The following PSMC3IP variants were observed in gnomAD, a reference collection of about 807,000 sequenced individuals.
PSMC3IP encodes homologous-pairing protein 2 homolog.
PSMC3IP carries 26 observed loss-of-function variants against 34.9 expected under a neutral mutation model. The observed-to-expected ratio is 0.74, with a 90% confidence interval of 0.55 to 1.03. PSMC3IP has a LOEUF of 1.03. Among genes scored for constraint, PSMC3IP ranks in the 50% least tolerant of loss-of-function variants. The pLI, the probability that PSMC3IP is intolerant of heterozygous loss-of-function variation, is 0.00. For missense variants in PSMC3IP, 250 were observed against 263.1 expected (o/e 0.95, Z 0.34); for synonymous variants, 87 against 96.5 (o/e 0.90, Z 0.57).
rs2093051266 is a variant in PSMC3IP at position 42,573,493 on chromosome 17, T to A, written c.468A>T (p.Pro156=). The change falls in exon 5 of 8, where the codon CCA becomes CCT. Residue 156 remains proline (P), a synonymous_variant. Coordinates refer to ENST00000393795, the MANE Select transcript of PSMC3IP (RefSeq NM_016556.4). The stretch of plus-strand genomic sequence containing the variant: ...TCCAGCTCACCTGCTCTTTCTCTTC[T>A]GGAGTCACATGATTGGTAGCTGCTT... The part of the protein sequence containing the change: ...NIKAATNHVT[P]EEKEQVYRER... 3 of 1,614,284 alleles carry A rather than the reference T, an allele frequency of 1.9e-6. No homozygotes were observed. The East Asian group carries it at 6.7e-5, about 36-fold the overall frequency.
Position 42,577,718 on chromosome 17 carries a change from G to A in PSMC3IP, c.-32C>T. 1 of 1,613,684 alleles carries A rather than the reference G, an allele frequency of 6.2e-7. No individual in the cohort carries two copies. Among genetic ancestry groups the A allele is most frequent in the South Asian group, 1.1e-5 (1 of 91,078 alleles). Reference sequence around the variant, plus strand: ...TCCCGCCACCCAACTCAGAAAGCCGGACGTTGTAGTTGCTCGGGGCGACGG... The same window carrying A: ...TCCCGCCACCCAACTCAGAAAGCCGAACGTTGTAGTTGCTCGGGGCGACGG... On this transcript the variant is annotated 5_prime_UTR_variant, in exon 1 of 8. Coordinates refer to ENST00000393795, the MANE Select transcript of PSMC3IP (RefSeq NM_016556.4).
chr17:42,575,585 T>A (rs1005410547), intron 3 of PSMC3IP, among the ~76,000 whole-genome samples: 1 of 152,140 alleles, frequency 6.6e-6, no homozygotes, highest in East Asian at 1.9e-4. Flanking sequence ...ACGAGTAATA[T>A]CTGCTGGATG....
intron 3 of PSMC3IP, among the ~76,000 whole-genome samples, chr17:42,576,404 GAT>G (rs2093075965): frequency 6.6e-6 from 1 of 152,186 alleles, no homozygotes; most frequent in Non-Finnish European, 1.5e-5. Context: ...AAGAGTTTAA[GAT>G]ATGTTTGAAG....
intron 3 of PSMC3IP, 130 bp downstream of exon 3, chr17:42,577,083 G>A: frequency 6.5e-7 from 1 of 1,547,440 alleles, no homozygotes; most frequent in South Asian, 1.2e-5. Context: ...TACACACCTT[G>A]ATTTAAGGAT....
chr17:42,573,094 G>C lies in PSMC3IP; in HGVS notation c.597+13C>G, dbSNP rs766100831. On this transcript the variant is annotated intron_variant, in intron 7 of 7. Coordinates refer to ENST00000393795, the MANE Select transcript of PSMC3IP (RefSeq NM_016556.4). Reference sequence around the variant, plus strand: ...ACCACAGGGAAGCAAAGAAGGAAGAGAGCTCCACTTACAAAGAACTGCTTC... The same window carrying C: ...ACCACAGGGAAGCAAAGAAGGAAGACAGCTCCACTTACAAAGAACTGCTTC... 1.9e-6 allele frequency: 3 copies of C among 1,614,098 alleles called. No homozygotes were observed. The highest frequency in any genetic ancestry group is 3.3e-5 in the Admixed American group (2 of 60,002).
At chr17:42,577,388 G>A (rs887669889) in intron 2 of PSMC3IP, 73 bp downstream of exon 2, 1 of 1,607,890 alleles carries the variant, frequency 6.2e-7, no homozygotes, top group East Asian at 2.2e-5. Flanking sequence ...AACGCCCAAG[G>A]CTCCAAAGGG....
intron 3 of PSMC3IP, 152 bp downstream of exon 3, chr17:42,577,061 T>C: frequency 6.6e-7 from 1 of 1,516,974 alleles, no homozygotes; most frequent in Non-Finnish European, 8.9e-7. Context: ...GTTGGGATCC[T>C]AACAAGAGGA....
chr17:42,577,627 C>G, intron 1 of PSMC3IP, 26 bp downstream of exon 1: 3 of 1,614,190 alleles, frequency 1.9e-6, no homozygotes, highest in South Asian at 1.1e-5. Flanking sequence ...CCTCCCGGGT[C>G]TTCCCCGCGC....
chr17:42,574,801 C>T (rs1332427396), intron 3 of PSMC3IP, among the ~76,000 whole-genome samples: 3 of 151,896 alleles, frequency 2.0e-5, no homozygotes, highest in Non-Finnish European at 4.4e-5. Context: ...TCACCCAGGC[C>T]AGAGTGCAGT....
At position 42,577,300 on chromosome 17, in the gene PSMC3IP, C is replaced by G; in HGVS notation, c.138G>C (p.Val46=). The part of the protein sequence containing the change: ...LQREHGLGKA[V]VVKTLEQLAQ... The stretch of plus-strand genomic sequence containing the variant: ...CCAGCTGCTCCAGCGTCTTCACCAC[C>G]ACCTGGCAGAGGAGAGAGAAGGAGC... Residue 46 remains valine, a splice_region_variant and synonymous_variant, in exon 3 of 8, where the codon GTG becomes GTC. Transcript: ENST00000393795. 1 of 1,614,056 alleles carries G rather than the reference C, an allele frequency of 6.2e-7. No homozygotes were observed. The highest frequency in any genetic ancestry group is 8.5e-7 in the Non-Finnish European group (1 of 1,179,964).
At chr17:42,576,992 T>C (rs1233699620) in intron 3 of PSMC3IP, 2 of 1,119,884 alleles carry the variant, frequency 1.8e-6, no homozygotes, top group Non-Finnish European at 2.5e-6. Flanking sequence ...TGGATCTTGG[T>C]AGCAACAATA....
intron 3 of PSMC3IP, among the ~76,000 whole-genome samples, chr17:42,574,736 T>C (rs377495350): frequency 2.0e-4 from 4 of 20,348 alleles, no homozygotes; most frequent in African/African-American, 2.5e-4. Context: ...CCTTTCCCTC[T>C]CTCTTTCTCT....
In PSMC3IP at chr17:42,574,138, C is replaced by T. The variant is rs1276571679; in HGVS notation, c.298G>A (p.Val100Met). The T allele has an allele frequency of 6.2e-7, 1 of 1,614,076 alleles. No individual in the cohort carries two copies. The change falls in exon 4 of 8, where the codon GTG becomes ATG. Residue 100 changes from valine to methionine, a missense_variant. Coordinates refer to ENST00000393795, the MANE Select transcript of PSMC3IP (RefSeq NM_016556.4). ...CGGCAGCTCTGCTGCAAGCTCTGCA[C>T]CTTAGCAGTGAGGGCCACGATTTTG... ...DGKIVALTAK[V>M]QSLQQSCRYM...
chr17:42,577,615 G>A (rs773867235), intron 1 of PSMC3IP, 38 bp downstream of exon 1: 3 of 1,614,158 alleles, frequency 1.9e-6, no homozygotes, highest in South Asian at 2.2e-5. Flanking sequence ...CTCACCCACT[G>A]CCCTCCCGGG....
At chr17:42,573,222 C>T in intron 6 of PSMC3IP, 56 bp from the exon 7 acceptor site, 1 of 1,614,100 alleles carries the variant, frequency 6.2e-7, no homozygotes, top group Non-Finnish European at 8.5e-7. Flanking sequence ...CACTGCCTGT[C>T]AGTTTATGAT....
chr17:42,577,121 T>TG (rs2093080079), intron 3 of PSMC3IP, 92 bp downstream of exon 3: 3 of 1,592,666 alleles, frequency 1.9e-6, no homozygotes, highest in Admixed American at 1.8e-5. Flanking sequence ...GAGTTTTCCA[T>TG]GGGGGGCCTT....
intron 3 of PSMC3IP, 99 bp from the exon 4 acceptor site, chr17:42,574,309 G>T: frequency 1.9e-6 from 3 of 1,544,980 alleles, no homozygotes; most frequent in Non-Finnish European, 1.7e-6. Flanking sequence ...TCAGGAACCA[G>T]CCACACCCCA....
At chr17:42,577,402 G>T in intron 2 of PSMC3IP, 59 bp downstream of exon 2, 1 of 1,609,372 alleles carries the variant, frequency 6.2e-7, no homozygotes, top group South Asian at 1.1e-5. Context: ...CAAAGGGCAC[G>T]ACCCCAGCCT....
chr17:42,574,841 C>T (rs528905497), intron 3 of PSMC3IP, among the ~76,000 whole-genome samples: 2 of 152,260 alleles, frequency 1.3e-5, no homozygotes, highest in Admixed American at 1.3e-4. Flanking sequence ...GCAACCTCCG[C>T]CTCCTGGCTT....
Sources: allele counts gnomAD v4.1 joint callset (sites outside exome capture counted in the v4.1 genomes callset), GRCh38; gene constraint gnomAD v4.1.1; transcripts MANE v1.5; gene names NCBI Gene and HGNC (gene_info 2026-07-23, HGNC 2026-07-21).